Variants in SLC2A14 observed in about 807,000 individuals in gnomAD.
SLC2A14 encodes the protein solute carrier family 2 member 14.
A neutral mutation model predicts 43.0 loss-of-function variants in SLC2A14; 13 were observed. That is an observed-to-expected ratio of 0.30 (90% CI 0.20 to 0.48). SLC2A14 has a LOEUF of 0.48. SLC2A14 is among the 20% of genes least tolerant of loss of function. The pLI is 0.99. For missense variants in SLC2A14, 428 were observed against 620.4 expected, an observed-to-expected ratio of 0.69 and a Z score of 3.29; for synonymous variants, 190 against 233.8, an observed-to-expected ratio of 0.81 and a Z score of 1.71.
intron 2 of SLC2A14, among the ~76,000 whole-genome samples, chr12:7,845,787 A>C (rs1323524654): frequency 1.5e-5 from 2 of 132,136 alleles, no homozygotes; most frequent in African/African-American, 5.7e-5. Flanking sequence ...TCAAAAAAAA[A>C]AAAAAAAGAA....
In SLC2A14 at chr12:7,831,612, G is replaced by T. The variant is rs763978850; in HGVS notation, c.264C>A (p.Arg88=). The T allele has an allele frequency of 1.9e-5, 30 of 1,614,000 alleles. No individual in the cohort carries two copies. Among genetic ancestry groups the T allele is most frequent in the Non-Finnish European group, 2.5e-5 (29 of 1,180,040 alleles). Residue 88 remains arginine (R), a synonymous_variant, in exon 4 of 11, where the codon CGC becomes CGA. Coordinates refer to ENST00000431042, the MANE Select transcript of SLC2A14 (RefSeq NM_001286234.2). The stretch of plus-strand genomic sequence containing the variant: ...CAGTTTCTAGTCAATACCTGCCAAA[G>T]CGGTTAACAAAGAGTCCGACGGAAA... ...GSFSVGLFVN[R]FGRRNSMLIV... is the part of the protein sequence containing the mutation.
upstream of SLC2A14, among the ~76,000 whole-genome samples, chr12:7,874,515 G>A (rs1357553675): frequency 6.6e-6 from 1 of 151,232 alleles, no homozygotes; most frequent in Admixed American, 6.6e-5. Flanking sequence ...CTACTGAAAA[G>A]ACAAAAACTA....
upstream of SLC2A14, among the ~76,000 whole-genome samples, chr12:7,874,799 A>ATGTATATAAAAATT (rs200733431): frequency 0.037 from 3,710 of 100,210 alleles, 709 homozygotes; most frequent in African/African-American, 0.13. Context: ...ATATATAAAT[A>ATGTATATAAAAATT]ATATATAAAT....
intron 2 of SLC2A14, among the ~76,000 whole-genome samples, chr12:7,856,925 C>T (rs1473755803): frequency 1.3e-5 from 2 of 151,862 alleles, no homozygotes; most frequent in African/African-American, 4.8e-5. Flanking sequence ...GTAAACAAAC[C>T]CTAATTTCCA....
rs942543410 is a variant in SLC2A14, at chr12:7,849,755, T to A, written c.19-16941A>T. On this transcript the variant is annotated intron_variant, in intron 2 of 10. Coordinates refer to ENST00000431042, the MANE Select transcript of SLC2A14 (RefSeq NM_001286234.2). ...CTCTACTAAAAATGCAAAAAAAAAT[T>A]AGCCGGGTGTGGCGGCGGGCACCTG... Among the ~76,000 whole-genome samples the A allele has an allele frequency of 2.6e-5, 4 of 151,160 alleles. No homozygotes were observed. The East Asian group carries it at 7.8e-4, about 30-fold the overall frequency.
intron 10 of SLC2A14, among the ~76,000 whole-genome samples, chr12:7,817,400 C>T (rs1347876314): frequency 4.6e-5 from 7 of 151,740 alleles, no homozygotes; most frequent in Non-Finnish European, 1.0e-4. Flanking sequence ...CAGGAGTGAG[C>T]CACCTCGCCC....
chr12:7,885,199 G>C (rs1441826825), intron 1 of SLC2A14, among the ~76,000 whole-genome samples: 1 of 152,120 alleles, frequency 6.6e-6, no homozygotes, highest in Non-Finnish European at 1.5e-5. Flanking sequence ...AGCCAGGTGT[G>C]GTGGCTCACG....
chr12:7,815,054 T>C (rs916998482), intron 10 of SLC2A14, among the ~76,000 whole-genome samples: 1 of 151,466 alleles, frequency 6.6e-6, no homozygotes, highest in African/African-American at 2.4e-5. Flanking sequence ...TGCCTTGGCC[T>C]CCCAAAGTGC....
intron 10 of SLC2A14, 87 bp downstream of exon 10, chr12:7,817,744 A>G: frequency 1.7e-6 from 2 of 1,206,144 alleles, no homozygotes; most frequent in Non-Finnish European, 2.2e-6. Context: ...TCAAAAATAT[A>G]TATATATATA....
intron 2 of SLC2A14, among the ~76,000 whole-genome samples, 178 bp from the exon 3 acceptor site, chr12:7,832,992 A>C (rs1424325464): frequency 6.6e-6 from 1 of 152,244 alleles, no homozygotes; most frequent in Non-Finnish European, 1.5e-5. Flanking sequence ...GATTATACTA[A>C]AGAACTTATC....
intron 10 of SLC2A14, among the ~76,000 whole-genome samples, chr12:7,815,831 C>A (rs1863393199): frequency 6.6e-6 from 1 of 152,042 alleles, no homozygotes; most frequent in Non-Finnish European, 1.5e-5. Context: ...TCGCCTTGGT[C>A]TCCCAAAGTG....
At chr12:7,872,935 T>G (rs1026173285), upstream of SLC2A14, 3 of 985,318 alleles carry the variant, frequency 3.0e-6, no homozygotes, top group African/African-American at 5.2e-5. Context: ...AAGCCTAGGA[T>G]TCGACTTTGA....
upstream of SLC2A14, among the ~76,000 whole-genome samples, chr12:7,876,149 C>T (rs1303132527): frequency 1.3e-5 from 2 of 151,684 alleles, no homozygotes; most frequent in Non-Finnish European, 2.9e-5. Context: ...GGCATGCTGG[C>T]ACATGCCTGT....
intron 2 of SLC2A14, among the ~76,000 whole-genome samples, chr12:7,835,100 TA>T (rs35514872): frequency 0.48 from 69,297 of 143,948 alleles, 17,400 homozygotes; most frequent in Non-Finnish European, 0.58. Flanking sequence ...GTAGCTCTAT[TA>T]AAAAAAAAAA....
chr12:7,840,146 C>T (rs1334167359), intron 2 of SLC2A14, among the ~76,000 whole-genome samples: 8 of 127,220 alleles, frequency 6.3e-5, no homozygotes, highest in Non-Finnish European at 8.2e-5. Context: ...GGGGGGACTT[C>T]AGAGAGTTTG....
At chr12:7,833,806 A>AGG (rs1249798050) in intron 2 of SLC2A14, among the ~76,000 whole-genome samples, 1 of 149,606 alleles carries the variant, frequency 6.7e-6, no homozygotes, top group Non-Finnish European at 1.5e-5. Context: ...AGAGAGAGAG[A>AGG]GACATTTCTT....
chr12:7,866,734 G>T (rs1592299133), intron 2 of SLC2A14, among the ~76,000 whole-genome samples: 1 of 152,146 alleles, frequency 6.6e-6, no homozygotes, highest in East Asian at 1.9e-4. Flanking sequence ...GAAGGTAGCA[G>T]AAGTTGGTTC....
At chr12:7,857,213 A>G (rs1222463590) in intron 2 of SLC2A14, among the ~76,000 whole-genome samples, 2 of 151,858 alleles carry the variant, frequency 1.3e-5, no homozygotes, top group Non-Finnish European at 2.9e-5. Flanking sequence ...TCTTGCTACT[A>G]TACTCCAGCC....
At chr12:7,888,325 G>A (rs17800848) in intron 1 of SLC2A14, among the ~76,000 whole-genome samples, 25,603 of 151,998 alleles carry the variant, frequency 0.17, 2,787 homozygotes, top group Middle Eastern at 0.3. Flanking sequence ...AGAAATGCAC[G>A]TTTTTAAAAA....
Sources: allele counts gnomAD v4.1 joint callset (sites outside exome capture counted in the v4.1 genomes callset), GRCh38; gene constraint gnomAD v4.1.1; transcripts MANE v1.5; gene names NCBI Gene and HGNC (gene_info 2026-07-23, HGNC 2026-07-21).